The following DOCK9 variants were observed in gnomAD, a reference collection of about 807,000 sequenced individuals.
The protein encoded by DOCK9 is dedicator of cytokinesis 9, also known as dedicator of cytokinesis protein 9.
Under a neutral mutation model 263.3 loss-of-function variants are expected in DOCK9, and 89 were observed. The ratio of observed to expected loss-of-function variants is 0.34; its 90% CI spans 0.28 to 0.40. The LOEUF is 0.40. Ranked by LOEUF, DOCK9 falls within the 10% of genes least tolerant of loss-of-function variation. The probability of loss-of-function intolerance (pLI) is 1.00; values close to 1 mark genes in which losing one functional copy is unlikely to be tolerated. For missense variants in DOCK9, 2,140 were observed against 2,603.4 expected (o/e 0.82, Z 3.87); for synonymous variants, 976 against 973.1 (o/e 1.00, Z -0.06).
intron 13 of DOCK9, among the ~76,000 whole-genome samples, chr13:98,901,171 C>T (rs1316954623): frequency 6.6e-6 from 1 of 152,220 alleles, no homozygotes; most frequent in African/African-American, 2.4e-5. Context: ...AATATGAAAG[C>T]ACATCTTGGA....
At chr13:98,847,301 C>G (rs945195555) in intron 37 of DOCK9, 3 of 152,386 alleles carry the variant, frequency 2.0e-5, no homozygotes, top group Admixed American at 2.0e-4. Flanking sequence ...TGCCCATCTT[C>G]ATGGGACAAA....
intron 5 of DOCK9, 60 bp downstream of exon 5, chr13:98,923,242 T>C (rs2052364610): frequency 4.0e-6 from 6 of 1,502,488 alleles, no homozygotes; most frequent in Non-Finnish European, 5.6e-6. Context: ...CTTCTAAGTC[T>C]GTAAAATTGA....
intron 39 of DOCK9, among the ~76,000 whole-genome samples, chr13:98,832,308 A>G (rs1373781013): frequency 6.6e-6 from 1 of 152,196 alleles, no homozygotes; most frequent in East Asian, 1.9e-4. Flanking sequence ...GTCAGGTACC[A>G]CTTATCATAG....
intron 9 of DOCK9, among the ~76,000 whole-genome samples, chr13:98,911,162 T>G (rs1273560032): frequency 6.6e-6 from 1 of 152,214 alleles, no homozygotes; most frequent in Non-Finnish European, 1.5e-5. Context: ...TCCATTTTCT[T>G]CATTCTTTTC....
In DOCK9 at chr13:98,867,288, A is replaced by T. The variant is rs1466019500; in HGVS notation, c.3286+137T>A. 4.8e-6 allele frequency: 3 copies of T among 628,984 alleles called. No homozygotes were observed. In the African/African-American group the frequency reaches 5.6e-5, roughly 12 times the overall value. 39.0% of individuals were successfully genotyped at this position (628,984 alleles called of 1,614,324 possible). A position where few individuals can be genotyped will look rare whatever the true frequency, so the allele number is the denominator to read the frequency against. ...TTTACCAATACTTTTTGAAATGGAA[A>T]TTTCATAAGAAAAAAATTAATTCAT... On this transcript the variant is annotated intron_variant, in intron 30 of 52. Transcript: ENST00000682017.
chr13:98,854,748 T>C (rs1337100929), intron 34 of DOCK9: 1 of 152,096 alleles, frequency 6.6e-6, no homozygotes, highest in Non-Finnish European at 1.5e-5. Flanking sequence ...CCTCTATACA[T>C]GAAGGCATGT....
At chr13:98,875,171 G>A (rs2390139) in intron 27 of DOCK9, among the ~76,000 whole-genome samples, 25,179 of 151,974 alleles carry the variant, frequency 0.17, 2,169 homozygotes, top group South Asian at 0.22. Context: ...CAGTGACTAG[G>A]TGAGCTTCAA....
intron 38 of DOCK9, among the ~76,000 whole-genome samples, chr13:98,843,826 A>G (rs1196764059): frequency 6.6e-6 from 1 of 152,214 alleles, no homozygotes; most frequent in Non-Finnish European, 1.5e-5. Flanking sequence ...TACCACCACA[A>G]AACCCATTTG....
chr13:99,061,567 C>G (rs1222852590), intron 1 of DOCK9, among the ~76,000 whole-genome samples: 1 of 152,120 alleles, frequency 6.6e-6, no homozygotes, highest in Non-Finnish European at 1.5e-5. Flanking sequence ...ACTGGGGAAG[C>G]CAGCGTCAAA....
chr13:98,918,195 G>A (rs1490348560), intron 7 of DOCK9, among the ~76,000 whole-genome samples: 1 of 152,202 alleles, frequency 6.6e-6, no homozygotes, highest in Non-Finnish European at 1.5e-5. Flanking sequence ...AATTGCCTCA[G>A]CTTTCTGCCT....
intron 1 of DOCK9, among the ~76,000 whole-genome samples, chr13:98,959,202 T>G (rs16956145): frequency 0.031 from 4,722 of 152,336 alleles, 235 homozygotes; most frequent in African/African-American, 0.11. Flanking sequence ...TGGGCTGCCC[T>G]TTGAACAATG....
intron 1 of DOCK9, among the ~76,000 whole-genome samples, chr13:99,037,052 A>G (rs1470010364): frequency 6.6e-6 from 1 of 152,028 alleles, no homozygotes; most frequent in African/African-American, 2.4e-5. Context: ...GGACTACAGT[A>G]TTTTTTAAAA....
intron 1 of DOCK9, among the ~76,000 whole-genome samples, chr13:99,064,171 A>C (rs1446502160): frequency 6.6e-6 from 1 of 152,258 alleles, no homozygotes; most frequent in Admixed American, 6.5e-5. Flanking sequence ...GAACAGAGGC[A>C]GTAGCTCAAC....
chr13:99,056,143 AT>A (rs928987174), intron 1 of DOCK9, among the ~76,000 whole-genome samples: 42 of 152,112 alleles, frequency 2.8e-4, no homozygotes, highest in African/African-American at 1.0e-3. Context: ...GGAAATATAT[AT>A]TTTTTTCCTG....
At chr13:98,809,326 G>A (rs758507107) in intron 47 of DOCK9, 26 bp downstream of exon 47, 11 of 1,569,242 alleles carry the variant, frequency 7.0e-6, no homozygotes, top group African/African-American at 2.7e-5. Flanking sequence ...ACTTAGGACA[G>A]TCTGCAGAAT....
chr13:99,054,783 A>C (rs557162014), intron 1 of DOCK9, among the ~76,000 whole-genome samples: 1 of 152,348 alleles, frequency 6.6e-6, no homozygotes, highest in African/African-American at 2.4e-5. Context: ...AAGCACCATC[A>C]GGCTGAAGTT....
intron 30 of DOCK9, chr13:98,867,089 A>G (rs759963011): frequency 3.9e-5 from 18 of 456,176 alleles, no homozygotes; most frequent in South Asian, 4.8e-5. Context: ...TTGACTCCAC[A>G]GTTGGTGAAA....
intron 32 of DOCK9, among the ~76,000 whole-genome samples, chr13:98,860,774 T>G (rs1215146435): frequency 6.6e-6 from 1 of 152,094 alleles, no homozygotes; most frequent in Non-Finnish European, 1.5e-5. Context: ...AAAGTCTTGT[T>G]TCTCTTTCCC....
intron 15 of DOCK9, among the ~76,000 whole-genome samples, chr13:98,890,309 C>CAAT (rs1346276799): frequency 1.3e-5 from 2 of 152,148 alleles, no homozygotes; most frequent in African/African-American, 4.8e-5. Flanking sequence ...CATTCATCAC[C>CAAT]CTCCCTAGCA....
Sources: gnomAD v4.1 joint callset for allele counts (sites outside exome capture counted in the v4.1 genomes callset) on GRCh38, gnomAD v4.1.1 for gene constraint, MANE v1.5 for transcripts, NCBI Gene and HGNC (gene_info 2026-07-23, HGNC 2026-07-21) for gene names.